The following FXR1 variants were observed in gnomAD, a reference collection of about 807,000 sequenced individuals.
FXR1 encodes RNA-binding protein FXR1.
A neutral mutation model predicts 84.0 loss-of-function variants in FXR1; 15 were observed. The ratio of observed to expected loss-of-function variants is 0.18; its 90% CI spans 0.12 to 0.27. The LOEUF (loss-of-function observed/expected upper bound fraction) is 0.27. Among genes scored for constraint, FXR1 ranks in the 10% least tolerant of loss-of-function variants. The probability of loss-of-function intolerance (pLI) is 1.00; values close to 1 mark genes in which losing one functional copy is unlikely to be tolerated. For missense variants in FXR1, 480 were observed against 774.4 expected (o/e 0.62, Z 4.51); for synonymous variants, 245 against 250.7 (o/e 0.98, Z 0.21).
In FXR1 at chr3:180,978,194, AAAG is replaced by A. The variant is rs1341673291; in HGVS notation, c.*1904_*1906del. ...GTAAATATGGTGTAAAAAAAAAAAA[AAAG>A]ACTTTTCATTTTCTCCCACATAGAA... On this transcript the variant is annotated 3_prime_UTR_variant, in exon 17 of 17. Transcript: ENST00000357559. 1 of 151,898 alleles carries A rather than the reference AAAG, an allele frequency of 6.6e-6. No homozygotes were observed. The highest frequency in any genetic ancestry group is 1.5e-5 in the Non-Finnish European group (1 of 67,932). 9.4% of individuals were successfully genotyped at this position (151,898 alleles called of 1,614,324 possible). A position where few individuals can be genotyped will look rare whatever the true frequency, so the allele number is the denominator to read the frequency against.
intron 8 of FXR1, among the ~76,000 whole-genome samples, chr3:180,952,238 G>A (rs1311320619): frequency 2.0e-5 from 3 of 152,142 alleles, no homozygotes; most frequent in Non-Finnish European, 4.4e-5. Flanking sequence ...GACTATAGGC[G>A]TGAGCCACCG....
At position 180,968,225 on chromosome 3, in the gene FXR1, C is replaced by A. The variant is rs553522519; in HGVS notation, c.1373C>A (p.Pro458Gln). ...SVSGGRGRGG[P>Q]RGGKSSISSV... ...TCAGGGGGTCGAGGTCGTGGTGGAC[C>A]ACGTGGTGGCAAATCCTCCATCAGT... is the stretch of plus-strand genomic sequence containing the variant. Residue 458 changes from proline to glutamine, a missense_variant, in exon 14 of 17, where the codon CCA (proline) becomes CAA (glutamine). Coordinates refer to ENST00000357559, the MANE Select transcript of FXR1 (RefSeq NM_005087.4). 10 of 1,611,268 alleles carry A rather than the reference C, an allele frequency of 6.2e-6. No homozygotes were observed. The South Asian group carries it at 1.1e-4, about 18-fold the overall frequency.
chr3:180,949,424 T>C, intron 7 of FXR1, 81 bp downstream of exon 7: 1 of 788,922 alleles, frequency 1.3e-6, no homozygotes, highest in South Asian at 1.4e-5. Context: ...TCTGGCTCTG[T>C]TGCCCAGGCT....
At chr3:180,915,502 T>G (rs1717782220) in intron 1 of FXR1, 1 of 1,501,666 alleles carries the variant, frequency 6.7e-7, no homozygotes, top group African/African-American at 1.4e-5. Flanking sequence ...TTTTTTCCAA[T>G]TTAGAAGATA....
chr3:180,930,481 G>A (rs1200762880), intron 1 of FXR1, among the ~76,000 whole-genome samples: 1 of 152,118 alleles, frequency 6.6e-6, no homozygotes, highest in Non-Finnish European at 1.5e-5. Flanking sequence ...GTTCTGATTT[G>A]AACTAATCCA....
intron 3 of FXR1, among the ~76,000 whole-genome samples, chr3:180,937,533 A>G (rs763602961): frequency 2.0e-4 from 31 of 152,096 alleles, no homozygotes; most frequent in Non-Finnish European, 3.5e-4. Context: ...ATTTCACGTT[A>G]TGTTTTATGA....
At chr3:180,970,643 T>C (rs186983915) in intron 15 of FXR1, 8 of 153,324 alleles carry the variant, frequency 5.2e-5, no homozygotes, top group African/African-American at 1.9e-4. Context: ...GCAAGGTACT[T>C]AGTGCTTTTA....
intron 8 of FXR1, among the ~76,000 whole-genome samples, chr3:180,953,167 C>G (rs1450744030): frequency 6.6e-6 from 1 of 152,114 alleles, no homozygotes; most frequent in Non-Finnish European, 1.5e-5. Flanking sequence ...TTAAAGAACA[C>G]ACGTTAAAAG....
Position 180,927,662 on chromosome 3 carries a change from C to T in FXR1, c.52-5672C>T, listed in dbSNP as rs752491889. On this transcript the variant is annotated intron_variant, in intron 1 of 16. Coordinates refer to ENST00000357559, the MANE Select transcript of FXR1 (RefSeq NM_005087.4). ...TTCCCCCACAGGCCATTTAAGCACC[C>T]GTCTAAAAAAAAATGAGTAGATCTT... The T allele has an allele frequency of 1.6e-4, 86 of 531,978 alleles. 1 individual carries two copies. Among genetic ancestry groups the T allele is most frequent in the Middle Eastern group, 1.4e-3 (5 of 3,684 alleles). The allele number at this position is 531,978 out of a possible 1,614,324, so 33.0% of individuals were successfully genotyped here.
At chr3:180,932,532 C>T (rs750865659) in intron 1 of FXR1, among the ~76,000 whole-genome samples, 1 of 152,124 alleles carries the variant, frequency 6.6e-6, no homozygotes, top group Non-Finnish European at 1.5e-5. Context: ...TTGAGTATGT[C>T]AGATCTTATG....
intron 16 of FXR1, 38 bp from the exon 17 acceptor site, chr3:180,976,084 T>C (rs1303632737): frequency 6.5e-7 from 1 of 1,535,176 alleles, no homozygotes; most frequent in African/African-American, 1.4e-5. Flanking sequence ...ATAGATTTCA[T>C]TTATAAAGAA....
rs1252202830 is a variant in FXR1 at position 180,979,568 on chromosome 3, T to C, written c.*3276T>C. 6.6e-6 allele frequency: 1 copy of C among 152,090 alleles called. No individual in the cohort carries two copies. The highest frequency in any genetic ancestry group is 2.4e-5 in the African/African-American group (1 of 41,444). 9.4% of individuals were successfully genotyped at this position (152,090 alleles called of 1,614,324 possible). Reference sequence around the variant, plus strand: ...AGCCCCTTATTTTTTTTTTTAATTTTAGTTCTTTATTAGAACGTGTACTTG... The same window carrying C: ...AGCCCCTTATTTTTTTTTTTAATTTCAGTTCTTTATTAGAACGTGTACTTG... On this transcript the variant is annotated 3_prime_UTR_variant, in exon 17 of 17. Transcript: ENST00000357559.
intron 3 of FXR1, among the ~76,000 whole-genome samples, chr3:180,942,955 A>G (rs965973122): frequency 7.9e-5 from 12 of 152,012 alleles, no homozygotes; most frequent in Admixed American, 2.6e-4. Flanking sequence ...TAGCACTGTA[A>G]GTGGGGGTGT....
chr3:180,916,264 A>G (rs578151783), intron 1 of FXR1, among the ~76,000 whole-genome samples: 2 of 152,320 alleles, frequency 1.3e-5, no homozygotes, highest in South Asian at 4.1e-4. Context: ...TTCCTTCAGA[A>G]CGTTCCATTA....
At chr3:180,922,550 G>A (rs867173187) in intron 1 of FXR1, among the ~76,000 whole-genome samples, 9 of 152,018 alleles carry the variant, frequency 5.9e-5, no homozygotes, top group Middle Eastern at 3.2e-3. Context: ...TCTGTATTAT[G>A]GATATTAAGC....
intron 1 of FXR1, among the ~76,000 whole-genome samples, chr3:180,921,257 A>C (rs1048393906): frequency 6.6e-6 from 1 of 151,670 alleles, no homozygotes; most frequent in South Asian, 2.1e-4. Flanking sequence ...AATCCCAGCT[A>C]TTCTGGAGGC....
chr3:180,919,786 G>A (rs1024903344), intron 1 of FXR1, among the ~76,000 whole-genome samples: 12 of 152,082 alleles, frequency 7.9e-5, no homozygotes, highest in Middle Eastern at 3.4e-3. Context: ...CAATTCTCCC[G>A]TCTCAGCCTC....
At position 180,930,331 on chromosome 3, in the gene FXR1, G is replaced by C. The variant is rs548565584; in HGVS notation, c.52-3003G>C. On this transcript the variant is annotated intron_variant, in intron 1 of 16. Coordinates refer to ENST00000357559, the MANE Select transcript of FXR1 (RefSeq NM_005087.4). ...TTGTGAAAAATGTGCACTCAAAGTT[G>C]ATACTGATGTTTATGGTGGAAGCGT... 3.9e-5 allele frequency among the ~76,000 whole-genome samples: 6 copies of C among 152,212 alleles called. No individual in the cohort carries two copies. The East Asian group carries it at 1.2e-3, about 29-fold the overall frequency.
intron 3 of FXR1, among the ~76,000 whole-genome samples, chr3:180,945,077 AT>A (rs1159768382): frequency 5.9e-5 from 9 of 152,260 alleles, no homozygotes; most frequent in Non-Finnish European, 1.3e-4. Flanking sequence ...TACCAATCTT[AT>A]AAATATTGAT....
Sources: allele counts gnomAD v4.1 joint callset (sites outside exome capture counted in the v4.1 genomes callset), GRCh38; gene constraint gnomAD v4.1.1; transcripts MANE v1.5; gene names NCBI Gene and HGNC (gene_info 2026-07-23, HGNC 2026-07-21).